TCF20: variants seen among roughly 807,000 people sequenced by gnomAD.
TCF20 encodes SPRE-binding protein.
TCF20 carries 3 observed loss-of-function variants against 148.6 expected under a neutral mutation model. The ratio of observed to expected loss-of-function variants is 0.02; its 90% confidence interval spans 0.01 to 0.05. The LOEUF is 0.05. TCF20 is among the 10% of genes least tolerant of loss of function. The pLI, the probability that TCF20 is intolerant of heterozygous loss-of-function variation, is 1.00. For synonymous variants in TCF20, 1,049 were observed against 909.5 expected (o/e 1.15, Z -2.76); for missense variants, 2,350 against 2,429.3 (o/e 0.97, Z 0.69).
chr22:42,212,650 C>G lies in TCF20; in HGVS notation c.2656G>C (p.Gly886Arg). Residue 886 changes from glycine (G) to arginine (R), a missense_variant, in exon 2 of 6, where the codon GGA (glycine) becomes CGA (arginine). Physicochemically the swap from Gly to Arg is moderately radical, Grantham distance 125 (BLOSUM62 -2). Coordinates refer to ENST00000677622, the MANE Select transcript of TCF20 (RefSeq NM_001378418.1). ...IVRDPGAHSL[G>R]HMSADTRIGR... is the part of the protein sequence containing the mutation. The stretch of plus-strand genomic sequence containing the variant: ...ATTCTGGTGTCGGCACTCATGTGTC[C>G]CAGTGAGTGAGCCCCTGGGTCCCTG... 6.2e-7 allele frequency: 1 copy of G among 1,614,128 alleles called. No homozygotes were observed. The highest frequency in any genetic ancestry group is 8.5e-7 in the Non-Finnish European group (1 of 1,180,014).
intron 2 of TCF20, among the ~76,000 whole-genome samples, chr22:42,200,253 A>AC (rs1356174904): frequency 6.6e-6 from 1 of 152,002 alleles, no homozygotes; most frequent in East Asian, 1.9e-4. Context: ...ATGACCCCTC[A>AC]CCTCGCCCAC....
chr22:42,225,371 T>C (rs911328619), intron 1 of TCF20, among the ~76,000 whole-genome samples: 5 of 151,432 alleles, frequency 3.3e-5, no homozygotes, highest in Non-Finnish European at 5.9e-5. Flanking sequence ...TCCCAGCACT[T>C]TGGGAGGCCG....
At chr22:42,303,725 A>G (rs891496555) in intron 1 of TCF20, among the ~76,000 whole-genome samples, 5 of 152,050 alleles carry the variant, frequency 3.3e-5, no homozygotes, top group African/African-American at 1.2e-4. Flanking sequence ...GGGTCTGCGG[A>G]TGGCAGGGGA....
At chr22:42,250,872 A>G (rs1232648866) in intron 1 of TCF20, among the ~76,000 whole-genome samples, 1 of 152,220 alleles carries the variant, frequency 6.6e-6, no homozygotes, top group African/African-American at 2.4e-5. Context: ...TCATGGCAGA[A>G]GGCAAAGGGG....
intron 2 of TCF20, among the ~76,000 whole-genome samples, chr22:42,191,123 A>C (rs770917480): frequency 1.3e-5 from 2 of 152,192 alleles, no homozygotes; most frequent in African/African-American, 2.4e-5. Context: ...AAATTAAAGC[A>C]TTACTCAAGA....
intron 1 of TCF20, among the ~76,000 whole-genome samples, chr22:42,301,931 C>T (rs1181520323): frequency 1.3e-5 from 2 of 152,214 alleles, no homozygotes; most frequent in East Asian, 3.9e-4. Flanking sequence ...GGATTCCGGG[C>T]CCAGGGCTCG....
chr22:42,234,001 A>T (rs946742664), intron 1 of TCF20, among the ~76,000 whole-genome samples: 6 of 152,256 alleles, frequency 3.9e-5, no homozygotes, highest in Non-Finnish European at 8.8e-5. Flanking sequence ...CCTTGAAAGA[A>T]AGCACTTAAG....
intron 1 of TCF20, among the ~76,000 whole-genome samples, chr22:42,293,293 G>A (rs1437763966): frequency 6.6e-6 from 1 of 152,236 alleles, no homozygotes. Flanking sequence ...GTCTTGCAAG[G>A]TTATTGCCAG....
intron 1 of TCF20, among the ~76,000 whole-genome samples, chr22:42,342,282 G>A: frequency 6.6e-6 from 1 of 152,208 alleles, no homozygotes; most frequent in East Asian, 1.9e-4. Flanking sequence ...GGGAATGGGG[G>A]AGAAACGACG....
intron 1 of TCF20, among the ~76,000 whole-genome samples, chr22:42,323,066 C>A (rs1187894281): frequency 6.6e-6 from 1 of 151,740 alleles, no homozygotes; most frequent in Admixed American, 6.6e-5. Flanking sequence ...GCCACCACGA[C>A]TGGCTGATTT....
upstream of TCF20, among the ~76,000 whole-genome samples, chr22:42,286,525 G>A (rs1927034136): frequency 6.6e-6 from 1 of 152,174 alleles, no homozygotes; most frequent in South Asian, 2.1e-4. Context: ...CATGAGATAA[G>A]AGATACAAAA....
At chr22:42,254,128 T>G (rs928710901) in intron 1 of TCF20, among the ~76,000 whole-genome samples, 1 of 151,824 alleles carries the variant, frequency 6.6e-6, no homozygotes, top group South Asian at 2.1e-4. Flanking sequence ...GCATATTCCT[T>G]TGAGAGCTGG....
At position 42,210,618 on chromosome 22, in the gene TCF20, G is replaced by A; in HGVS notation, c.4688C>T (p.Pro1563Leu). 1 of 1,614,120 alleles carries A rather than the reference G, an allele frequency of 6.2e-7. No individual in the cohort carries two copies. The highest frequency in any genetic ancestry group is 8.5e-7 in the Non-Finnish European group (1 of 1,180,026). Residue 1563 changes from proline to leucine, a missense_variant, in exon 2 of 6, where the codon CCC becomes CTC. Around this residue, in one of 7 missense-constraint regions of TCF20, gnomAD observed 374 missense variants for 398.3 expected, o/e 0.94. Coordinates refer to ENST00000677622, the MANE Select transcript of TCF20 (RefSeq NM_001378418.1). The surrounding 1 kb of genome is among the most constrained non-coding windows in gnomAD (Gnocchi z 4.7). ...QQQPPPPPPQPPQIPEGSADG... is the reference protein window; with the variant it reads ...QQQPPPPPPQLPQIPEGSADG... ...TGCAGAACCTTCTGGTATCTGTGGGGGCTGAGGGGGTGGAGGCGGTGGCTG... is the reference window on the plus strand; with the variant it reads ...TGCAGAACCTTCTGGTATCTGTGGGAGCTGAGGGGGTGGAGGCGGTGGCTG...
intron 1 of TCF20, among the ~76,000 whole-genome samples, chr22:42,228,072 G>A (rs1753553661): frequency 6.6e-6 from 1 of 152,198 alleles, no homozygotes; most frequent in Admixed American, 6.5e-5. Flanking sequence ...GAAGCCTTTG[G>A]AGGGTTTTAA....
At chr22:42,255,451 T>C (rs1174559153) in intron 1 of TCF20, among the ~76,000 whole-genome samples, 3 of 151,976 alleles carry the variant, frequency 2.0e-5, no homozygotes, top group Non-Finnish European at 4.4e-5. Flanking sequence ...ATCGCGCCAC[T>C]GCACTCCAAC....
chr22:42,173,502 A>C (rs1468804946), intron 3 of TCF20, among the ~76,000 whole-genome samples: 2 of 152,262 alleles, frequency 1.3e-5, no homozygotes, highest in Non-Finnish European at 2.9e-5. Context: ...GTGGGTTGAC[A>C]GCAAGGCAGA....
At chr22:42,259,139 G>A (rs184269724) in intron 1 of TCF20, among the ~76,000 whole-genome samples, 6 of 152,304 alleles carry the variant, frequency 3.9e-5, no homozygotes, top group African/African-American at 1.4e-4. Context: ...GTTTCCTCCA[G>A]CCTGTCTGGT....
intron 1 of TCF20, among the ~76,000 whole-genome samples, chr22:42,295,448 T>C (rs1246310644): frequency 2.7e-5 from 4 of 149,824 alleles, no homozygotes; most frequent in Admixed American, 6.6e-5. Flanking sequence ...TTTTCTTTTT[T>C]TTTTTTTTTT....
intron 1 of TCF20, among the ~76,000 whole-genome samples, chr22:42,217,586 G>A (rs1921939578): frequency 6.6e-6 from 1 of 152,212 alleles, no homozygotes; most frequent in African/African-American, 2.4e-5. Context: ...CTGTGTGAAT[G>A]ATTAAATGGT....
Sources: allele counts gnomAD v4.1 joint callset (sites outside exome capture counted in the v4.1 genomes callset), GRCh38; gene constraint gnomAD v4.1.1; regional missense constraint gnomAD v4.1.1; non-coding constraint Gnocchi (gnomAD v3.1); transcripts MANE v1.5; gene names NCBI Gene and HGNC (gene_info 2026-07-23, HGNC 2026-07-21).